PTPN9: variants seen among roughly 807,000 people sequenced by gnomAD.
The protein encoded by PTPN9 is tyrosine-protein phosphatase non-receptor type 9.
In PTPN9, 26 loss-of-function variants were observed where a neutral mutation model predicts 69.8. The ratio of observed to expected loss-of-function variants is 0.37; its 90% CI spans 0.27 to 0.52. The LOEUF is 0.52. Ranked by LOEUF, PTPN9 falls within the 20% of genes least tolerant of loss-of-function variation. The pLI, the probability that PTPN9 is intolerant of heterozygous loss-of-function variation, is 0.91. For missense variants in PTPN9, 549 were observed against 740.3 expected, an observed-to-expected ratio of 0.74 and a Z score of 3.00; for synonymous variants, 274 against 272.5, an observed-to-expected ratio of 1.01 and a Z score of -0.05.
At chr15:75,517,170 A>G (rs1254423714) in intron 5 of PTPN9, 89 bp downstream of exon 5, 2 of 930,710 alleles carry the variant, frequency 2.1e-6, no homozygotes, top group Admixed American at 2.9e-5. Context: ...TGAAGTTTGC[A>G]TCTTTCCTAA....
At chr15:75,518,803 C>G (rs867488893) in intron 4 of PTPN9, among the ~76,000 whole-genome samples, 1 of 142,780 alleles carries the variant, frequency 7.0e-6, no homozygotes, top group Non-Finnish European at 1.5e-5. Flanking sequence ...GGCAACAGAG[C>G]GAGACTCCAT....
rs375266322 is a variant in PTPN9 at position 75,483,527 on chromosome 15, GAAAT to G, written c.1063-3617_1063-3614del. Among the ~76,000 whole-genome samples, 47 of 152,314 alleles carry G rather than the reference GAAAT, an allele frequency of 3.1e-4. No individual in the cohort carries two copies. In the East Asian group the frequency reaches 8.7e-3, roughly 28 times the overall value. On this transcript the variant is annotated intron_variant, in intron 8 of 12. Coordinates refer to ENST00000618819, the MANE Select transcript of PTPN9 (RefSeq NM_002833.4). ...AGAACAGGCAAATCTATGGAGATAGGAAATAAATCAGAGTGGGTTAGAGGGAAAT... is the reference window on the plus strand; with the variant it reads ...AGAACAGGCAAATCTATGGAGATAGGAAATCAGAGTGGGTTAGAGGGAAAT...
intron 8 of PTPN9, among the ~76,000 whole-genome samples, chr15:75,489,992 A>G (rs939078388): frequency 3.9e-5 from 6 of 152,224 alleles, no homozygotes; most frequent in African/African-American, 1.4e-4. Context: ...CAGCATTCAC[A>G]TAAAGAATTT....
chr15:75,535,113 C>T lies in PTPN9; in HGVS notation c.64-7852G>A, dbSNP rs1435957703. On this transcript the variant is annotated intron_variant, in intron 1 of 12. Coordinates refer to ENST00000618819, the MANE Select transcript of PTPN9 (RefSeq NM_002833.4). ...CTGGGTTCACGCCATTCTCCTGCCT[C>T]AGCCTCCTGAGTAGCTGGGACTACA... Among the ~76,000 whole-genome samples the T allele has an allele frequency of 2.6e-5, 4 of 151,712 alleles. No individual in the cohort carries two copies. The East Asian group carries it at 5.9e-4, about 22-fold the overall frequency.
At chr15:75,486,703 C>G (rs965644173) in intron 8 of PTPN9, among the ~76,000 whole-genome samples, 2 of 151,262 alleles carry the variant, frequency 1.3e-5, no homozygotes, top group African/African-American at 4.9e-5. Context: ...GTATTGTATA[C>G]TTGAAAATTG....
chr15:75,469,236 C>A (rs1313326414), intron 12 of PTPN9, among the ~76,000 whole-genome samples: 1 of 152,244 alleles, frequency 6.6e-6, no homozygotes, highest in African/African-American at 2.4e-5. Context: ...GAAGGTGACA[C>A]AGGGGAACTT....
chr15:75,519,035 A>G (rs562974018), intron 4 of PTPN9, among the ~76,000 whole-genome samples: 13 of 152,316 alleles, frequency 8.5e-5, no homozygotes, highest in South Asian at 2.1e-4. Context: ...GATGACAGCA[A>G]GAGTTTTCAC....
chr15:75,568,341 A>C (rs2075134953), intron 1 of PTPN9, among the ~76,000 whole-genome samples: 1 of 151,016 alleles, frequency 6.6e-6, no homozygotes, highest in Non-Finnish European at 1.5e-5. Flanking sequence ...ACAAATAAAA[A>C]ATAAAAAATC....
At chr15:75,494,487 G>T (rs1254475139) in intron 7 of PTPN9, among the ~76,000 whole-genome samples, 2 of 151,488 alleles carry the variant, frequency 1.3e-5, no homozygotes, top group African/African-American at 4.8e-5. Flanking sequence ...CGAGTAGCTG[G>T]GATTACAGGA....
intron 1 of PTPN9, among the ~76,000 whole-genome samples, chr15:75,546,723 C>T (rs2075034907): frequency 6.6e-6 from 1 of 151,526 alleles, no homozygotes; most frequent in Non-Finnish European, 1.5e-5. Context: ...GGTGGGTGGG[C>T]ACAGAAAGCC....
intron 1 of PTPN9, among the ~76,000 whole-genome samples, chr15:75,530,087 G>A (rs1284864373): frequency 6.6e-6 from 1 of 150,404 alleles, no homozygotes; most frequent in East Asian, 2.0e-4. Context: ...CTGTGCTCCC[G>A]GCTAGTCAGG....
chr15:75,477,704 A>G (rs1364177782), intron 9 of PTPN9, among the ~76,000 whole-genome samples: 1 of 152,126 alleles, frequency 6.6e-6, no homozygotes, highest in Non-Finnish European at 1.5e-5. Flanking sequence ...CTCCTATAGA[A>G]CATTACCATT....
At chr15:75,501,848 G>A (rs2074774348) in intron 7 of PTPN9, among the ~76,000 whole-genome samples, 3 of 152,004 alleles carry the variant, frequency 2.0e-5, no homozygotes, top group Non-Finnish European at 4.4e-5. Context: ...TAAGAGAAAT[G>A]ACAGCAACAT....
chr15:75,575,648 G>T (rs906577143), intron 1 of PTPN9, among the ~76,000 whole-genome samples: 19 of 151,228 alleles, frequency 1.3e-4, no homozygotes, highest in Non-Finnish European at 2.4e-4. Flanking sequence ...GGCTGGGCGC[G>T]GTGGTTCACG....
intron 1 of PTPN9, among the ~76,000 whole-genome samples, chr15:75,559,745 G>A (rs1409600168): frequency 3.5e-5 from 4 of 115,216 alleles, no homozygotes; most frequent in East Asian, 2.4e-4. Flanking sequence ...CCCCCTCTGC[G>A]AGAAACACCC....
Position 75,567,654 on chromosome 15 carries a change from A to G in PTPN9, c.63+11060T>C, listed in dbSNP as rs866495573. 2.0e-5 allele frequency among the ~76,000 whole-genome samples: 3 copies of G among 152,198 alleles called. No individual in the cohort carries two copies. The South Asian group carries it at 6.2e-4, about 32-fold the overall frequency. ...CCGGTATGTTGTGGATGGATTTGGTATTTCAGAGGAAACTGGTACATACTA... is the reference window on the plus strand; with the variant it reads ...CCGGTATGTTGTGGATGGATTTGGTGTTTCAGAGGAAACTGGTACATACTA... On this transcript the variant is annotated intron_variant, in intron 1 of 12. Coordinates refer to ENST00000618819, the MANE Select transcript of PTPN9 (RefSeq NM_002833.4).
chr15:75,558,928 T>G (rs2075089985), intron 1 of PTPN9, among the ~76,000 whole-genome samples: 1 of 152,188 alleles, frequency 6.6e-6, no homozygotes, highest in African/African-American at 2.4e-5. Flanking sequence ...GTGCCGAGAT[T>G]GCAGCCTCTG....
At chr15:75,485,605 C>T (rs1362627849) in intron 8 of PTPN9, among the ~76,000 whole-genome samples, 1 of 149,428 alleles carries the variant, frequency 6.7e-6, no homozygotes, top group Non-Finnish European at 1.5e-5. Flanking sequence ...CTCCTGACCT[C>T]ATGATCCACC....
Position 75,523,168 on chromosome 15 carries a change from A to T in PTPN9, c.375T>A (p.His125Gln). The change falls in exon 4 of 13, where the codon CAT becomes CAA. Residue 125 changes from histidine to glutamine, a missense_variant. His to Gln is a conservative substitution (Grantham distance 24). Coordinates refer to ENST00000618819, the MANE Select transcript of PTPN9 (RefSeq NM_002833.4). The stretch of plus-strand genomic sequence containing the variant: ...AGTAAAACAGAGCCTGAAGTACCAC[A>T]TGTTGGACTGACTTGTGGGGATGAT... ...RLHHPHKSVQ[H>Q]VVLQALFYLL... 1 of 1,614,194 alleles carries T rather than the reference A, an allele frequency of 6.2e-7. No individual in the cohort carries two copies. Among genetic ancestry groups the T allele is most frequent in the Non-Finnish European group, 8.5e-7 (1 of 1,180,030 alleles).
Sources: gnomAD v4.1 joint callset for allele counts (sites outside exome capture counted in the v4.1 genomes callset) on GRCh38, gnomAD v4.1.1 for gene constraint, MANE v1.5 for transcripts, NCBI Gene and HGNC (gene_info 2026-07-23, HGNC 2026-07-21) for gene names.